Variants in PAX7 observed in about 807,000 individuals in gnomAD.
The protein encoded by PAX7 is paired box protein Pax-7.
A neutral mutation model predicts 50.7 loss-of-function variants in PAX7; 18 were observed. The observed-to-expected ratio is 0.36, with a 90% CI of 0.25 to 0.53. The LOEUF (loss-of-function observed/expected upper bound fraction) is 0.53, where lower values mean the gene tolerates loss of function less well. PAX7 is among the 20% of genes least tolerant of loss of function. The pLI, the probability that PAX7 is intolerant of heterozygous loss-of-function variation, is 0.93. For synonymous variants in PAX7, 310 were observed against 290.4 expected (o/e 1.07, Z -0.69); for missense variants, 644 against 702.9 (o/e 0.92, Z 0.95).
intron 4 of PAX7, among the ~76,000 whole-genome samples, chr1:18,680,875 G>A (rs887688040): frequency 9.2e-5 from 14 of 152,136 alleles, no homozygotes; most frequent in African/African-American, 3.4e-4. Flanking sequence ...AAAAGATTTT[G>A]AGCCGGGCGC....
At chr1:18,633,323 C>T (rs1472468745) in intron 1 of PAX7, among the ~76,000 whole-genome samples, 1 of 152,152 alleles carries the variant, frequency 6.6e-6, no homozygotes, top group African/African-American at 2.4e-5. Flanking sequence ...GGGATCGAGG[C>T]CGGATTAGTG....
In PAX7 at chr1:18,681,431, C is replaced by T. The variant is rs908227359; in HGVS notation, c.587-10323C>T. ...GCTTTGTGCTTGGTTCACAGCTTGG[C>T]GCAGAAGAAAGAGCTCTGGGTCTGC... is the stretch of plus-strand genomic sequence containing the variant. On this transcript the variant is annotated intron_variant, in intron 4 of 8. Transcript: ENST00000420770. Among the ~76,000 whole-genome samples the T allele has an allele frequency of 7.2e-5, 11 of 152,202 alleles. No individual in the cohort carries two copies. The East Asian group carries it at 1.2e-3, about 16-fold the overall frequency.
chr1:18,674,141 T>C (rs1200638854), intron 4 of PAX7, among the ~76,000 whole-genome samples: 1 of 152,188 alleles, frequency 6.6e-6, no homozygotes, highest in Non-Finnish European at 1.5e-5. Context: ...TCAACAAATG[T>C]CTGTTGAGCA....
At chr1:18,633,303 C>T (rs2088087915) in intron 1 of PAX7, among the ~76,000 whole-genome samples, 1 of 152,164 alleles carries the variant, frequency 6.6e-6, no homozygotes, top group Admixed American at 6.5e-5. Flanking sequence ...CGCTGAGTCC[C>T]CAAATTGGGG....
chr1:18,721,281 T>C (rs1030515541), intron 7 of PAX7, among the ~76,000 whole-genome samples: 1 of 152,132 alleles, frequency 6.6e-6, no homozygotes, highest in Admixed American at 6.5e-5. Flanking sequence ...TGTTTTCCTT[T>C]AGTTCCAGAT....
rs1052120808 is a variant in PAX7 at position 18,748,834 on chromosome 1, G to A, written c.*3905G>A. On this transcript the variant is annotated 3_prime_UTR_variant, in exon 9 of 9. Transcript: ENST00000420770. Reference sequence around the variant, plus strand: ...TAAGCGCTTCCTCTGTAACTCAGGCGTAACTGTTATACATTAAAAGAAATT... The same window carrying A: ...TAAGCGCTTCCTCTGTAACTCAGGCATAACTGTTATACATTAAAAGAAATT... 7 of 207,114 alleles carry A rather than the reference G, an allele frequency of 3.4e-5. No individual in the cohort carries two copies. Among genetic ancestry groups the A allele is most frequent in the African/African-American group, 1.4e-4 (6 of 43,752 alleles). 12.8% of individuals were successfully genotyped at this position (207,114 alleles called of 1,614,324 possible).
At chr1:18,727,855 G>C (rs1249947176) in intron 7 of PAX7, among the ~76,000 whole-genome samples, 1 of 152,074 alleles carries the variant, frequency 6.6e-6, no homozygotes, top group Non-Finnish European at 1.5e-5. Context: ...GGTTGGGTGT[G>C]GAGGCCATAA....
intron 4 of PAX7, among the ~76,000 whole-genome samples, chr1:18,651,505 C>A (rs188566791): frequency 6.6e-6 from 1 of 152,126 alleles, no homozygotes; most frequent in African/African-American, 2.4e-5. Context: ...TATCTAGATA[C>A]GTCTCTCTAT....
At chr1:18,676,444 C>A (rs954605150) in intron 4 of PAX7, among the ~76,000 whole-genome samples, 5 of 140,586 alleles carry the variant, frequency 3.6e-5, no homozygotes, top group African/African-American at 1.3e-4. Context: ...AAAGGCCTCT[C>A]GCTGCCCAGC....
intron 8 of PAX7, among the ~76,000 whole-genome samples, chr1:18,737,003 G>A (rs750830286): frequency 6.6e-6 from 1 of 152,250 alleles, no homozygotes; most frequent in Non-Finnish European, 1.5e-5. Context: ...ACTCTGCAAT[G>A]GTCTCATGCA....
intron 7 of PAX7, among the ~76,000 whole-genome samples, chr1:18,729,882 G>A (rs937953217): frequency 3.9e-5 from 6 of 152,210 alleles, no homozygotes; most frequent in African/African-American, 1.4e-4. Context: ...AGGGGGCAGA[G>A]CAATGCTTCA....
rs1034927477 is a variant in PAX7, at chr1:18,736,071, T to C, written c.1402+193T>C. 5 of 1,059,534 alleles carry C rather than the reference T, an allele frequency of 4.7e-6. No individual in the cohort carries two copies. In the Admixed American group the frequency reaches 8.3e-5, roughly 18 times the overall value. 65.6% of individuals were successfully genotyped at this position (1,059,534 alleles called of 1,614,324 possible). A position where few individuals can be genotyped will look rare whatever the true frequency, so the allele number is the denominator to read the frequency against. On this transcript the variant is annotated intron_variant, in intron 8 of 8. Transcript: ENST00000420770. ...ACTGAGTTGGGCAAAACCCAGGACA[T>C]CTCCTGGCTAAGCCTCTGCTTCCGT...
intron 4 of PAX7, among the ~76,000 whole-genome samples, chr1:18,690,990 C>G (rs1241565584): frequency 1.3e-5 from 2 of 152,146 alleles, no homozygotes; most frequent in Non-Finnish European, 1.5e-5. Flanking sequence ...TGCACTTTTT[C>G]TTTTGATGAG....
intron 7 of PAX7, among the ~76,000 whole-genome samples, chr1:18,724,577 G>A (rs186206666): frequency 1.0e-3 from 156 of 152,028 alleles, no homozygotes; most frequent in African/African-American, 3.2e-3. Flanking sequence ...TCCTGCAGAG[G>A]ATGGTACTAT....
intron 4 of PAX7, among the ~76,000 whole-genome samples, chr1:18,653,492 T>C (rs1570126466): frequency 6.6e-6 from 1 of 152,166 alleles, no homozygotes; most frequent in African/African-American, 2.4e-5. Flanking sequence ...CTGGTGGCTG[T>C]GTTCCTGTGA....
chr1:18,704,829 G>A lies in PAX7; in HGVS notation c.1155+1533G>A, dbSNP rs1484636495. Among the ~76,000 whole-genome samples the A allele has an allele frequency of 3.3e-5, 5 of 152,134 alleles. No individual in the cohort carries two copies. In the East Asian group the frequency reaches 7.7e-4, roughly 23 times the overall value. ...GGGTTAATTGCCTTTCAGCTGCATC[G>A]TTTATTTATGGGAAAACCCTTGAGT... On this transcript the variant is annotated intron_variant, in intron 7 of 8. Coordinates refer to ENST00000420770, the MANE Select transcript of PAX7 (RefSeq NM_001135254.2).
chr1:18,684,492 C>T (rs921059846), intron 4 of PAX7, among the ~76,000 whole-genome samples: 14 of 152,226 alleles, frequency 9.2e-5, no homozygotes, highest in African/African-American at 3.1e-4. Flanking sequence ...ATCTGACTCC[C>T]GCAGCCACGC....
chr1:18,697,141 T>A (rs1479398414), intron 5 of PAX7, among the ~76,000 whole-genome samples: 1 of 152,254 alleles, frequency 6.6e-6, no homozygotes, highest in East Asian at 1.9e-4. Flanking sequence ...CTGTGCTACA[T>A]GAAGAGAAGG....
chr1:18,738,774 C>T (rs1412654712), intron 8 of PAX7, among the ~76,000 whole-genome samples: 1 of 152,198 alleles, frequency 6.6e-6, no homozygotes, highest in Non-Finnish European at 1.5e-5. Flanking sequence ...GAAAAGCCCC[C>T]TCCTCTGCCC....
Sources: allele counts gnomAD v4.1 joint callset (sites outside exome capture counted in the v4.1 genomes callset), GRCh38; gene constraint gnomAD v4.1.1; transcripts MANE v1.5; gene names NCBI Gene and HGNC (gene_info 2026-07-23, HGNC 2026-07-21).